Variants in TCFL5 observed in about 807,000 individuals in gnomAD.
TCFL5 encodes transcription factor like 5.
In TCFL5, 9 loss-of-function variants were observed where a neutral mutation model predicts 44.3. The ratio of observed to expected loss-of-function variants is 0.20; its 90% CI spans 0.12 to 0.35. TCFL5 has a LOEUF of 0.35. Ranked by LOEUF, TCFL5 falls within the 10% of genes least tolerant of loss-of-function variation. The probability of loss-of-function intolerance (pLI) is 1.00; values close to 1 mark genes in which losing one functional copy is unlikely to be tolerated. For missense variants in TCFL5, 603 were observed against 613.4 expected (o/e 0.98, Z 0.18); for synonymous variants, 319 against 271.6 (o/e 1.17, Z -1.72).
At chr20:62,846,126 G>A in intron 5 of TCFL5, 2 of 1,277,078 alleles carry the variant, frequency 1.6e-6, no homozygotes, top group South Asian at 1.3e-5. Context: ...ACCTTAAATT[G>A]GAAGCATTCT....
At chr20:62,852,648 A>G in intron 5 of TCFL5, 1 of 974,882 alleles carries the variant, frequency 1.0e-6, no homozygotes, top group Non-Finnish European at 1.2e-6. Flanking sequence ...ACAGAAGTAT[A>G]TTCACCCGGT....
intron 5 of TCFL5, chr20:62,852,260 A>C: frequency 1.0e-6 from 1 of 985,108 alleles, no homozygotes. Flanking sequence ...AGGTCTGCTC[A>C]CTCCTAGAGG....
At chr20:62,860,354 G>A in intron 1 of TCFL5, 46 bp from the exon 2 acceptor site, 2 of 1,550,530 alleles carry the variant, frequency 1.3e-6, no homozygotes, top group Non-Finnish European at 1.8e-6. Context: ...ATACGTGGCA[G>A]ACAAGCATCC....
chr20:62,842,000 C>A lies in TCFL5; in HGVS notation c.1478G>T (p.Ser493Ile). 1.2e-6 allele frequency: 2 copies of A among 1,614,220 alleles called. No homozygotes were observed. The highest frequency in any genetic ancestry group is 8.5e-7 in the Non-Finnish European group (1 of 1,180,036). Residue 493 changes from serine (S) to isoleucine (I), a missense_variant, in exon 6 of 6, where the codon AGC becomes ATC. Coordinates refer to ENST00000335351, the MANE Select transcript of TCFL5 (RefSeq NM_006602.4). Reference sequence around the variant, plus strand: ...TCACTTGATCTCCATCGAGGGGCTGCTCTGTAAACTCCCCTGTGCAGGACA... The same window carrying A: ...TCACTTGATCTCCATCGAGGGGCTGATCTGTAAACTCCCCTGTGCAGGACA... ...VTCPAQGSLQ[S>I]SPSMEIK is the part of the protein sequence containing the mutation.
At chr20:62,852,391 C>G in intron 5 of TCFL5, 1 of 983,958 alleles carries the variant, frequency 1.0e-6, no homozygotes, top group Middle Eastern at 5.2e-4. Context: ...GCCCAGAACC[C>G]TGGAACTGGG....
At chr20:62,854,256 T>C in intron 4 of TCFL5, 99 bp from the exon 5 acceptor site, 1 of 1,461,662 alleles carries the variant, frequency 6.8e-7, no homozygotes, top group South Asian at 1.3e-5. Context: ...CCAGAGCTCG[T>C]GCATCCTGGC....
In TCFL5 at chr20:62,861,389, G is replaced by A; in HGVS notation, c.282C>T (p.Phe94=). ...CCGCGCCCCCCTGACCGCCCGCCGC[G>A]AAGCCGCCCGCGCCTGCGCCCGGGC... ...AAGPGAGAGG[F]AAGGQGGAAP... Residue 94 remains phenylalanine, a synonymous_variant, in exon 1 of 6, where the codon TTC becomes TTT. Transcript: ENST00000335351. The surrounding 1 kb of genome is among the most constrained non-coding windows in gnomAD (Gnocchi z 4.0). The A allele has an allele frequency of 1.9e-6, 2 of 1,077,402 alleles. No homozygotes were observed. The highest frequency in any genetic ancestry group is 2.2e-6 in the Non-Finnish European group (2 of 893,062). The allele number at this position is 1,077,402 out of a possible 1,614,324, so 66.7% of individuals were successfully genotyped here. A position where few individuals can be genotyped will look rare whatever the true frequency, so the allele number is the denominator to read the frequency against.
chr20:62,853,066 AC>A (rs2063835105), intron 5 of TCFL5, among the ~76,000 whole-genome samples: 1 of 146,698 alleles, frequency 6.8e-6, no homozygotes, highest in Non-Finnish European at 1.5e-5. Flanking sequence ...AAGTACAGTC[AC>A]CCGGTCCGCA....
chr20:62,849,154 G>A (rs2063778497), intron 5 of TCFL5, among the ~76,000 whole-genome samples: 1 of 150,088 alleles, frequency 6.7e-6, no homozygotes, highest in African/African-American at 2.4e-5. Flanking sequence ...AACAGAGCGA[G>A]ACGCCGTCTC....
chr20:62,845,752 A>G, intron 5 of TCFL5: 3 of 1,606,464 alleles, frequency 1.9e-6, no homozygotes, highest in African/African-American at 1.3e-5. Context: ...CCATGCGGAG[A>G]TAACTTCTCC....
chr20:62,852,786 G>A (rs1017041422), intron 5 of TCFL5: 244 of 1,286,238 alleles, frequency 1.9e-4, no homozygotes, highest in Admixed American at 1.6e-4. Context: ...ACAGAAGCAC[G>A]GTCACCCGGT....
At chr20:62,858,990 A>G (rs1242359063) in intron 3 of TCFL5, among the ~76,000 whole-genome samples, 1 of 152,216 alleles carries the variant, frequency 6.6e-6, no homozygotes, top group Non-Finnish European at 1.5e-5. Context: ...CCACCTATCC[A>G]AAGGCTTTCG....
chr20:62,851,749 G>T (rs6122322), intron 5 of TCFL5: 1 of 985,360 alleles, frequency 1.0e-6, no homozygotes, highest in African/African-American at 1.7e-5. Flanking sequence ...CTGAAGAGAC[G>T]AGCCCTCACT....
At chr20:62,852,371 T>TGGAACTCGGATCCCCC (rs1555829502) in intron 5 of TCFL5, 1 of 977,072 alleles carries the variant, frequency 1.0e-6, no homozygotes, top group African/African-American at 1.8e-5. Flanking sequence ...TCGGGTCCCC[T>TGGAACTCGGATCCCCC]GAAGGCAGGG....
In TCFL5 at chr20:62,842,197, CTT is replaced by C. The variant is rs1332406819; in HGVS notation, c.1381-102_1381-101del. 8.2e-6 allele frequency: 12 copies of C among 1,457,502 alleles called. No individual in the cohort carries two copies. The highest frequency in any genetic ancestry group is 1.1e-5 in the Non-Finnish European group (12 of 1,068,512). 90.3% of individuals were successfully genotyped at this position (1,457,502 alleles called of 1,614,324 possible). On this transcript the variant is annotated intron_variant, in intron 5 of 5. Coordinates refer to ENST00000335351, the MANE Select transcript of TCFL5 (RefSeq NM_006602.4). The surrounding 1 kb of genome is among the most constrained non-coding windows in gnomAD (Gnocchi z 4.3). ...TTCAAATTAAGAGCTAAGTAAATGACTTTAGAATACGCTGTTTTAAGGTGTCA... is the reference window on the plus strand; with the variant it reads ...TTCAAATTAAGAGCTAAGTAAATGACTAGAATACGCTGTTTTAAGGTGTCA...
intron 4 of TCFL5, among the ~76,000 whole-genome samples, chr20:62,856,554 A>C (rs1266738232): frequency 6.6e-6 from 1 of 151,096 alleles, no homozygotes; most frequent in Admixed American, 6.6e-5. Context: ...AAATACAAAA[A>C]AATTAGCCAG....
intron 4 of TCFL5, among the ~76,000 whole-genome samples, chr20:62,854,700 G>A (rs1315646921): frequency 6.6e-6 from 1 of 152,218 alleles, no homozygotes; most frequent in South Asian, 2.1e-4. Context: ...TCTTTGTAGA[G>A]ATAAACAATT....
At chr20:62,857,768 A>G in intron 3 of TCFL5, 130 bp from the exon 4 acceptor site, 1 of 1,122,362 alleles carries the variant, frequency 8.9e-7, no homozygotes, top group Non-Finnish European at 1.2e-6. Context: ...ACCGAAACAC[A>G]AAGAGATGTA....
At chr20:62,859,567 G>A (rs1391331328) in intron 2 of TCFL5, 41 bp from the exon 3 acceptor site, 2 of 1,579,238 alleles carry the variant, frequency 1.3e-6, no homozygotes, top group East Asian at 2.2e-5. Context: ...TCAATATGTG[G>A]CTTACTCTCC....
Sources: allele counts gnomAD v4.1 joint callset (sites outside exome capture counted in the v4.1 genomes callset), GRCh38; gene constraint gnomAD v4.1.1; non-coding constraint Gnocchi (gnomAD v3.1); transcripts MANE v1.5; gene names NCBI Gene and HGNC (gene_info 2026-07-23, HGNC 2026-07-21).